Variants in PAK5 observed in about 807,000 individuals in gnomAD.
PAK5 encodes p21 (RAC1) activated kinase 5, also known as serine/threonine-protein kinase PAK 5.
A neutral mutation model predicts 65.9 loss-of-function variants in PAK5; 16 were observed. That is an observed-to-expected ratio of 0.24 (90% CI 0.16 to 0.37). The LOEUF (loss-of-function observed/expected upper bound fraction) is 0.37, where lower values mean the gene tolerates loss of function less well. PAK5 is among the 10% of genes least tolerant of loss of function. The pLI is 1.00. For missense variants in PAK5, 785 were observed against 903.9 expected, an observed-to-expected ratio of 0.87 and a Z score of 1.69; for synonymous variants, 371 against 354.9, an observed-to-expected ratio of 1.05 and a Z score of -0.51.
At chr20:9,805,697 G>T (rs1271201841) in intron 1 of PAK5, among the ~76,000 whole-genome samples, 2 of 152,100 alleles carry the variant, frequency 1.3e-5, no homozygotes, top group Non-Finnish European at 2.9e-5. Flanking sequence ...AATCCATGGA[G>T]ACACAAAGAA....
intron 2 of PAK5, among the ~76,000 whole-genome samples, chr20:9,698,900 A>C (rs1179430340): frequency 6.6e-6 from 1 of 152,224 alleles, no homozygotes; most frequent in Admixed American, 6.5e-5. Context: ...AGATGTAACA[A>C]CTGGAAGTTA....
intron 1 of PAK5, among the ~76,000 whole-genome samples, chr20:9,764,479 G>A (rs578009756): frequency 2.7e-4 from 41 of 152,160 alleles, no homozygotes; most frequent in Non-Finnish European, 4.9e-4. Flanking sequence ...AATAAATGTG[G>A]GTATATCACT....
intron 2 of PAK5, among the ~76,000 whole-genome samples, chr20:9,658,747 G>T (rs4816159): frequency 0.97 from 147,752 of 152,328 alleles, 71,670 homozygotes; most frequent in East Asian, 1. Flanking sequence ...TGCAAATACT[G>T]TCACATAGCT....
At chr20:9,603,432 C>A (rs944500992) in intron 3 of PAK5, among the ~76,000 whole-genome samples, 18 of 152,304 alleles carry the variant, frequency 1.2e-4, no homozygotes, top group African/African-American at 4.1e-4. Context: ...ACTCCAAGTT[C>A]TGCCCTATTT....
At chr20:9,675,488 A>T (rs1471244358) in intron 2 of PAK5, among the ~76,000 whole-genome samples, 1 of 152,028 alleles carries the variant, frequency 6.6e-6, no homozygotes, top group African/African-American at 2.4e-5. Context: ...ACAGGTTAAT[A>T]ATTAATTTTA....
In PAK5 at chr20:9,799,840, C is replaced by G. The variant is rs1342477161; in HGVS notation, c.-162+38922G>C. On this transcript the variant is annotated intron_variant, in intron 1 of 9. Transcript: ENST00000353224. The stretch of plus-strand genomic sequence containing the variant: ...CCTATAGTCACAGCTACTCTGGAGG[C>G]TGAGGTGGGAGGATTGCTTGAGCCC... Among the ~76,000 whole-genome samples, 72 of 142,476 alleles carry G rather than the reference C, an allele frequency of 5.1e-4. 1 individual carries two copies. The highest frequency in any genetic ancestry group is 1.8e-3 in the African/African-American group (69 of 38,712). The allele number at this position is 142,476 out of a possible 152,430, so 93.5% of individuals were successfully genotyped here. A position where few individuals can be genotyped will look rare whatever the true frequency, so the allele number is the denominator to read the frequency against.
chr20:9,807,796 A>G (rs2049251960), intron 1 of PAK5, among the ~76,000 whole-genome samples: 1 of 150,834 alleles, frequency 6.6e-6, no homozygotes, highest in Non-Finnish European at 1.5e-5. Context: ...TAATAAATCC[A>G]GTGCAACCCT....
At chr20:9,737,390 T>C (rs548941310) in intron 1 of PAK5, among the ~76,000 whole-genome samples, 1 of 152,218 alleles carries the variant, frequency 6.6e-6, no homozygotes, top group African/African-American at 2.4e-5. Context: ...GCAAACAATA[T>C]TACCAAGGAT....
chr20:9,739,242 T>TA (rs1555919745), intron 1 of PAK5, among the ~76,000 whole-genome samples: 13 of 151,540 alleles, frequency 8.6e-5, no homozygotes, highest in African/African-American at 2.9e-4. Context: ...TTTTTTTTTT[T>TA]AAATCACAGC....
intron 3 of PAK5, among the ~76,000 whole-genome samples, chr20:9,624,360 G>T (rs143241742): frequency 6.6e-6 from 1 of 151,890 alleles, no homozygotes; most frequent in African/African-American, 2.4e-5. Flanking sequence ...AGCCCATGAC[G>T]GGTATTCAAT....
At chr20:9,724,758 T>C (rs1469632666) in intron 1 of PAK5, among the ~76,000 whole-genome samples, 1 of 152,058 alleles carries the variant, frequency 6.6e-6, no homozygotes, top group Non-Finnish European at 1.5e-5. Flanking sequence ...TTCTCCAGCA[T>C]CTCCATGTAC....
chr20:9,828,568 T>C (rs1038945653), intron 1 of PAK5, among the ~76,000 whole-genome samples: 1 of 152,162 alleles, frequency 6.6e-6, no homozygotes, highest in African/African-American at 2.4e-5. Context: ...ACTTCCTGGG[T>C]CAGTAAACTG....
At chr20:9,596,828 C>T (rs1476656902) in intron 3 of PAK5, among the ~76,000 whole-genome samples, 1 of 152,074 alleles carries the variant, frequency 6.6e-6, no homozygotes, top group East Asian at 1.9e-4. Context: ...AACCCGTGTC[C>T]TAATGCAGTG....
At chr20:9,686,390 T>C (rs1392224922) in intron 2 of PAK5, among the ~76,000 whole-genome samples, 3 of 152,158 alleles carry the variant, frequency 2.0e-5, no homozygotes, top group African/African-American at 7.2e-5. Flanking sequence ...CTGTTTGGTA[T>C]CTTTTTTGTT....
intron 6 of PAK5, among the ~76,000 whole-genome samples, chr20:9,561,971 G>C (rs546949726): frequency 1.3e-4 from 20 of 152,214 alleles, no homozygotes; most frequent in African/African-American, 4.8e-4. Context: ...TATGCATTTT[G>C]ATAAGATCCA....
chr20:9,623,133 G>A (rs965706661), intron 3 of PAK5, among the ~76,000 whole-genome samples: 4 of 152,224 alleles, frequency 2.6e-5, no homozygotes, highest in Non-Finnish European at 5.9e-5. Context: ...AAGGGAAGAA[G>A]AGGAATGGAA....
At chr20:9,638,750 C>T (rs1019128327) in intron 3 of PAK5, among the ~76,000 whole-genome samples, 17 of 152,140 alleles carry the variant, frequency 1.1e-4, no homozygotes, top group African/African-American at 3.9e-4. Context: ...GTAAGCGTGA[C>T]AATGGGTAAG....
intron 1 of PAK5, among the ~76,000 whole-genome samples, chr20:9,792,147 A>G (rs1393341173): frequency 1.3e-5 from 2 of 152,196 alleles, no homozygotes; most frequent in African/African-American, 4.8e-5. Flanking sequence ...TTAGGCAGAT[A>G]AATAAATAAA....
At chr20:9,732,690 T>C (rs1186970857) in intron 1 of PAK5, among the ~76,000 whole-genome samples, 1 of 152,078 alleles carries the variant, frequency 6.6e-6, no homozygotes, top group African/African-American at 2.4e-5. Context: ...CTATAGGGAG[T>C]TCAAGGGTTC....
Sources: gnomAD v4.1 joint callset for allele counts (sites outside exome capture counted in the v4.1 genomes callset) on GRCh38, gnomAD v4.1.1 for gene constraint, MANE v1.5 for transcripts, NCBI Gene and HGNC (gene_info 2026-07-23, HGNC 2026-07-21) for gene names.